Variants in PARP8 observed in about 807,000 individuals in gnomAD.
PARP8 encodes the protein poly(ADP-ribose) polymerase family member 8.
PARP8 carries 51 observed loss-of-function variants against 124.1 expected under a neutral mutation model. The observed-to-expected ratio is 0.41, with a 90% CI of 0.33 to 0.52. PARP8 has a LOEUF of 0.52. PARP8 is among the 20% of genes least tolerant of loss of function. The pLI, the probability that PARP8 is intolerant of heterozygous loss-of-function variation, is 0.21. For missense variants in PARP8, 860 were observed against 1,018.9 expected (o/e 0.84, Z 2.12); for synonymous variants, 391 against 361.5 (o/e 1.08, Z -0.93).
chr5:50,829,151 C>T (rs1196147047), intron 21 of PARP8, among the ~76,000 whole-genome samples: 1 of 152,120 alleles, frequency 6.6e-6, no homozygotes, highest in Non-Finnish European at 1.5e-5. Context: ...CAGGACAGTA[C>T]TTGGTGTTAG....
chr5:50,837,187 A>C (rs1011977102), intron 25 of PARP8, among the ~76,000 whole-genome samples: 2 of 152,142 alleles, frequency 1.3e-5, no homozygotes, highest in African/African-American at 4.8e-5. Context: ...TACAAGGAAA[A>C]ATTTCGTGTT....
intron 15 of PARP8, among the ~76,000 whole-genome samples, chr5:50,817,883 G>A (rs1745279776): frequency 6.6e-6 from 1 of 152,116 alleles, no homozygotes; most frequent in African/African-American, 2.4e-5. Flanking sequence ...TCTGCCAGTT[G>A]AATTGTAGGT....
intron 10 of PARP8, among the ~76,000 whole-genome samples, chr5:50,789,277 C>G (rs1248321055): frequency 2.6e-5 from 4 of 151,798 alleles, no homozygotes; most frequent in African/African-American, 9.7e-5. Context: ...CTGATAGAGC[C>G]AGGATACAAT....
At chr5:50,770,584 AAAAG>A (rs966173372) in intron 7 of PARP8, among the ~76,000 whole-genome samples, 2 of 152,072 alleles carry the variant, frequency 1.3e-5, no homozygotes, top group Non-Finnish European at 2.9e-5. Flanking sequence ...AAAGAAGGAA[AAAAG>A]AAAGAGAAAG....
At chr5:50,735,839 A>G (rs1757415564) in intron 2 of PARP8, among the ~76,000 whole-genome samples, 1 of 151,654 alleles carries the variant, frequency 6.6e-6, no homozygotes, top group Admixed American at 6.6e-5. Flanking sequence ...AGGGGATTTA[A>G]CCTTATCTAG....
chr5:50,822,323 T>C lies in PARP8; in HGVS notation c.1795-12T>C, dbSNP rs1362433770. 4 of 1,598,666 alleles carry C rather than the reference T, an allele frequency of 2.5e-6. No individual in the cohort carries two copies. In the African/African-American group the frequency reaches 4.0e-5, roughly 16 times the overall value. On this transcript the variant is annotated splice_polypyrimidine_tract_variant and intron_variant, in intron 16 of 25. Transcript: ENST00000281631. Reference sequence around the variant, plus strand: ...AAATGCTGTTTTTTAACATCACTTTTTCATTAAACAGAAAAAGAACTATGA... The same window carrying C: ...AAATGCTGTTTTTTAACATCACTTTCTCATTAAACAGAAAAAGAACTATGA...
chr5:50,774,245 C>G (rs1421488927), intron 7 of PARP8, among the ~76,000 whole-genome samples: 1 of 152,166 alleles, frequency 6.6e-6, no homozygotes, highest in Non-Finnish European at 1.5e-5. Flanking sequence ...TCTTTCTACA[C>G]AGACACGGTA....
chr5:50,777,243 T>C lies in PARP8; in HGVS notation c.519-826T>C, dbSNP rs1172550960. ...GTTTTGTGAGTACTGTATTAAATTATCACATGTATGTAAGATCTTTAGAAC... is the reference window on the plus strand; with the variant it reads ...GTTTTGTGAGTACTGTATTAAATTACCACATGTATGTAAGATCTTTAGAAC... On this transcript the variant is annotated intron_variant, in intron 7 of 25. Coordinates refer to ENST00000281631, the MANE Select transcript of PARP8 (RefSeq NM_024615.4). Among the ~76,000 whole-genome samples the C allele has an allele frequency of 3.3e-5, 5 of 152,230 alleles. 1 individual carries two copies. Among genetic ancestry groups the C allele is most frequent in the Non-Finnish European group, 1.5e-5 (1 of 68,012 alleles).
chr5:50,687,847 C>T (rs1229846832), intron 2 of PARP8, among the ~76,000 whole-genome samples: 2 of 152,208 alleles, frequency 1.3e-5, no homozygotes, highest in Non-Finnish European at 2.9e-5. Context: ...GTCCCTCTCA[C>T]AGCACGTGGA....
intron 2 of PARP8, among the ~76,000 whole-genome samples, chr5:50,707,489 G>C (rs963399784): frequency 6.6e-6 from 1 of 151,938 alleles, no homozygotes; most frequent in Non-Finnish European, 1.5e-5. Context: ...AAATTGTGAA[G>C]GTTTGATTAA....
At position 50,844,765 on chromosome 5, in the gene PARP8, A is replaced by G. The variant is rs1482500990; in HGVS notation, c.*2697A>G. ...AGTTCTACTTTTTCCTGCATTGCTT[A>G]TTTTGTAAACATTTTACTATGAATA... On this transcript the variant is annotated 3_prime_UTR_variant, in exon 26 of 26. Transcript: ENST00000281631. The G allele has an allele frequency of 7.9e-5, 12 of 151,696 alleles. No homozygotes were observed. Among genetic ancestry groups the G allele is most frequent in the Admixed American group, 7.9e-4 (12 of 15,190 alleles). The allele number at this position is 151,696 out of a possible 1,614,324, so 9.4% of individuals were successfully genotyped here. A position where few individuals can be genotyped will look rare whatever the true frequency, so the allele number is the denominator to read the frequency against.
At chr5:50,766,939 C>T (rs984182224) in intron 7 of PARP8, among the ~76,000 whole-genome samples, 1 of 152,150 alleles carries the variant, frequency 6.6e-6, no homozygotes, top group African/African-American at 2.4e-5. Context: ...TTTCTGAATT[C>T]TCATTTGTAG....
intron 2 of PARP8, among the ~76,000 whole-genome samples, chr5:50,732,613 T>C (rs1035953266): frequency 6.6e-6 from 1 of 152,026 alleles, no homozygotes; most frequent in African/African-American, 2.4e-5. Context: ...AGATTGTATT[T>C]TTTTCTTTTT....
rs180976085 is a variant in PARP8 at position 50,825,018 on chromosome 5, T to C, written c.1928+43T>C. ...TCCTCTTAATGAAAACAGCATCCTTTTCTACTGCTTGATTTAAGGAAAAAA... is the reference window on the plus strand; with the variant it reads ...TCCTCTTAATGAAAACAGCATCCTTCTCTACTGCTTGATTTAAGGAAAAAA... On this transcript the variant is annotated intron_variant, in intron 18 of 25. Transcript: ENST00000281631. 67 of 1,474,190 alleles carry C rather than the reference T, an allele frequency of 4.5e-5. No homozygotes were observed. The Middle Eastern group carries it at 1.0e-3, about 23-fold the overall frequency. The allele number at this position is 1,474,190 out of a possible 1,614,324, so 91.3% of individuals were successfully genotyped here. A position where few individuals can be genotyped will look rare whatever the true frequency, so the allele number is the denominator to read the frequency against.
At chr5:50,775,498 C>T (rs756029031) in intron 7 of PARP8, among the ~76,000 whole-genome samples, 53 of 151,724 alleles carry the variant, frequency 3.5e-4, no homozygotes, top group African/African-American at 8.2e-4. Context: ...GAGGTTGCGG[C>T]GAGCCGAGAT....
intron 10 of PARP8, among the ~76,000 whole-genome samples, chr5:50,791,685 C>T (rs1002401226): frequency 2.0e-5 from 3 of 149,946 alleles, no homozygotes; most frequent in South Asian, 4.3e-4. Context: ...AAATAATCTT[C>T]GACTTTTGTA....
intron 2 of PARP8, among the ~76,000 whole-genome samples, chr5:50,734,340 G>GA (rs986224684): frequency 2.6e-5 from 4 of 152,018 alleles, no homozygotes; most frequent in Admixed American, 1.3e-4. Flanking sequence ...AAAAGAAAGG[G>GA]AAAAAAGGAG....
chr5:50,778,409 A>G (rs1453114062), intron 8 of PARP8, 151 bp from the exon 9 acceptor site: 8 of 644,556 alleles, frequency 1.2e-5, no homozygotes, highest in South Asian at 7.0e-5. Flanking sequence ...TAGAAGGCCA[A>G]TATTTTCACA....
At chr5:50,691,978 T>A (rs1752540651) in intron 2 of PARP8, among the ~76,000 whole-genome samples, 2 of 152,184 alleles carry the variant, frequency 1.3e-5, no homozygotes, top group South Asian at 4.1e-4. Flanking sequence ...TGGTGGCTAC[T>A]TTCCATTCCA....
Sources: allele counts gnomAD v4.1 joint callset (sites outside exome capture counted in the v4.1 genomes callset), GRCh38; gene constraint gnomAD v4.1.1; transcripts MANE v1.5; gene names NCBI Gene and HGNC (gene_info 2026-07-23, HGNC 2026-07-21).